The following SRGAP3 variants were observed in gnomAD, a reference collection of about 807,000 sequenced individuals.
SRGAP3 encodes the protein SLIT-ROBO Rho GTPase activating protein 3, also known as SLIT-ROBO Rho GTPase-activating protein 3.
SRGAP3 carries 39 observed loss-of-function variants against 121.1 expected under a neutral mutation model. The observed-to-expected ratio is 0.32, with a 90% CI of 0.25 to 0.42. The LOEUF (loss-of-function observed/expected upper bound fraction) is 0.42, where lower values mean the gene tolerates loss of function less well. Among genes scored for constraint, SRGAP3 ranks in the 10% least tolerant of loss-of-function variants. The probability of loss-of-function intolerance (pLI) is 1.00; values close to 1 mark genes in which losing one functional copy is unlikely to be tolerated. For missense variants in SRGAP3, 1,213 were observed against 1,470.6 expected (o/e 0.82, Z 2.86); for synonymous variants, 601 against 570.0 (o/e 1.05, Z -0.77).
chr3:9,218,570 A>G lies in SRGAP3; in HGVS notation c.67+30315T>C, dbSNP rs1011064835. On this transcript the variant is annotated intron_variant, in intron 1 of 21. Transcript: ENST00000383836. This position sits in a 1 kb window ranked among gnomAD's most constrained non-coding sequence, Gnocchi z 5.3. The stretch of plus-strand genomic sequence containing the variant: ...GCACATCAGGTAGAAACTATTTCCC[A>G]CCGCTGATTTAGGAGTACATAAAAG... The G allele has an allele frequency of 1.3e-5, 2 of 152,142 alleles. No individual in the cohort carries two copies. The highest frequency in any genetic ancestry group is 2.9e-5 in the Non-Finnish European group (2 of 68,014). 9.4% of individuals were successfully genotyped at this position (152,142 alleles called of 1,614,324 possible). A position where few individuals can be genotyped will look rare whatever the true frequency, so the allele number is the denominator to read the frequency against.
rs568514545 is a variant in SRGAP3, at chr3:9,019,156, A to T, written c.1679-3425T>A. ...TTCTTTCCACTATTTTGTTATTATA[A>T]ATATTGCCACAGTGAATAGTCTTGT... On this transcript the variant is annotated intron_variant, in intron 14 of 21. Coordinates refer to ENST00000383836, the MANE Select transcript of SRGAP3 (RefSeq NM_014850.4). Among the ~76,000 whole-genome samples the T allele has an allele frequency of 2.6e-5, 4 of 152,332 alleles. No homozygotes were observed. In the East Asian group the frequency reaches 7.7e-4, roughly 29 times the overall value.
At chr3:9,073,164 G>A (rs1213110794) in intron 4 of SRGAP3, among the ~76,000 whole-genome samples, 1 of 152,116 alleles carries the variant, frequency 6.6e-6, no homozygotes, top group Admixed American at 6.5e-5. Context: ...TTCTTTTTAA[G>A]ACGGGGTCTT....
At chr3:9,330,911 T>C (rs1219370940) in intron 1 of SRGAP3, among the ~76,000 whole-genome samples, 1 of 152,316 alleles carries the variant, frequency 6.6e-6, no homozygotes, top group East Asian at 1.9e-4. Flanking sequence ...TACAGACGCA[T>C]ACTACTAAGT....
At chr3:9,197,055 C>G (rs181160502) in intron 1 of SRGAP3, among the ~76,000 whole-genome samples, 2 of 152,192 alleles carry the variant, frequency 1.3e-5, no homozygotes, top group African/African-American at 4.8e-5. Context: ...TTTTCACTCA[C>G]GACAAGAAAA....
In SRGAP3 at chr3:9,047,460, C is replaced by T; in HGVS notation, c.1339G>A (p.Val447Met). The T allele has an allele frequency of 6.2e-7, 1 of 1,614,206 alleles. No homozygotes were observed. Among genetic ancestry groups the T allele is most frequent in the Non-Finnish European group, 8.5e-7 (1 of 1,180,038 alleles). The change falls in exon 10 of 22, where the codon GTG becomes ATG. Residue 447 changes from valine (V) to methionine (M), a missense_variant. By Grantham distance (21) the Val-to-Met change is conservative. Around this residue, in one of 2 missense-constraint regions of SRGAP3, gnomAD observed 793 missense variants for 1,032.9 expected, o/e 0.77. Coordinates refer to ENST00000383836, the MANE Select transcript of SRGAP3 (RefSeq NM_014850.4). The part of the protein sequence containing the change: ...MFYFTKFKEY[V>M]NGSNLITKLQ... Reference sequence around the variant, plus strand: ...TTGGTGATGAGGTTACTGCCATTCACATACTCTTTAAATTTCTGTAAGACA... The same window carrying T: ...TTGGTGATGAGGTTACTGCCATTCATATACTCTTTAAATTTCTGTAAGACA...
intron 3 of SRGAP3, among the ~76,000 whole-genome samples, chr3:9,294,167 T>A (rs1954913127): frequency 6.6e-6 from 1 of 152,146 alleles, no homozygotes; most frequent in African/African-American, 2.4e-5. Context: ...ATGAGATCCA[T>A]ACACACCATA....
intron 1 of SRGAP3, among the ~76,000 whole-genome samples, chr3:9,183,312 C>G (rs1951487055): frequency 1.3e-5 from 2 of 152,206 alleles, no homozygotes; most frequent in Admixed American, 1.3e-4. Context: ...CTTACTGAGT[C>G]TCACATCCCT....
chr3:9,069,452 C>T (rs759097232), intron 4 of SRGAP3, among the ~76,000 whole-genome samples: 5 of 152,176 alleles, frequency 3.3e-5, no homozygotes, highest in Non-Finnish European at 4.4e-5. Context: ...CTCAGAGGTA[C>T]CCATCCACTT....
chr3:9,145,173 G>A (rs1949983501), intron 1 of SRGAP3, among the ~76,000 whole-genome samples: 1 of 152,064 alleles, frequency 6.6e-6, no homozygotes, highest in Non-Finnish European at 1.5e-5. Context: ...TTGGCTCACT[G>A]CAACCTCCAC....
chr3:9,335,751 C>T (rs1046692062), intron 1 of SRGAP3, among the ~76,000 whole-genome samples: 2 of 152,200 alleles, frequency 1.3e-5, no homozygotes, highest in Non-Finnish European at 2.9e-5. Flanking sequence ...TAGCTATGCA[C>T]TGAAATCACC....
chr3:9,204,881 G>T (rs1952208189), intron 1 of SRGAP3, among the ~76,000 whole-genome samples: 1 of 152,250 alleles, frequency 6.6e-6, no homozygotes, highest in African/African-American at 2.4e-5. Context: ...ACCGCCCTTT[G>T]TGGAGGCAGC....
chr3:9,128,530 G>A (rs548126204), intron 1 of SRGAP3, among the ~76,000 whole-genome samples: 15 of 152,186 alleles, frequency 9.9e-5, no homozygotes, highest in Non-Finnish European at 1.8e-4. Flanking sequence ...AGGTAACTTT[G>A]ATGGATGATT....
intron 1 of SRGAP3, among the ~76,000 whole-genome samples, chr3:9,241,418 A>G (rs1953631748): frequency 6.6e-6 from 1 of 152,188 alleles, no homozygotes; most frequent in Non-Finnish European, 1.5e-5. Flanking sequence ...AGATCCATTA[A>G]TTTCCCCAGA....
At chr3:9,139,633 T>C (rs920132586) in intron 1 of SRGAP3, among the ~76,000 whole-genome samples, 3 of 152,182 alleles carry the variant, frequency 2.0e-5, no homozygotes, top group Non-Finnish European at 4.4e-5. Flanking sequence ...CTTCCAGAAC[T>C]GTGAGAGAAT....
At chr3:9,099,372 G>A (rs1948118236) in intron 3 of SRGAP3, among the ~76,000 whole-genome samples, 1 of 152,180 alleles carries the variant, frequency 6.6e-6, no homozygotes, top group South Asian at 2.1e-4. Context: ...AAATTCCACA[G>A]GCATCAGAGC....
At chr3:9,092,807 G>A (rs1947810672) in intron 3 of SRGAP3, among the ~76,000 whole-genome samples, 1 of 152,150 alleles carries the variant, frequency 6.6e-6, no homozygotes, top group Non-Finnish European at 1.5e-5. Flanking sequence ...CCTGTCATCT[G>A]TTACTCAATC....
chr3:9,009,606 C>T lies in SRGAP3; in HGVS notation c.2227+702G>A, dbSNP rs193234606. Among the ~76,000 whole-genome samples, 595 of 152,242 alleles carry T rather than the reference C, an allele frequency of 3.9e-3. 12 individuals are homozygous for T. Among genetic ancestry groups the T allele is most frequent in the Non-Finnish European group, 2.9e-3 (196 of 68,014 alleles). On this transcript the variant is annotated intron_variant, in intron 18 of 21. Transcript: ENST00000383836. Reference sequence around the variant, plus strand: ...TTGGCACTATGCCTACTCTGCCTGACGGATAAGTTGGCATATGGTTCAGAT... The same window carrying T: ...TTGGCACTATGCCTACTCTGCCTGATGGATAAGTTGGCATATGGTTCAGAT...
chr3:9,012,751 T>C (rs550498391), intron 17 of SRGAP3, among the ~76,000 whole-genome samples: 1 of 152,262 alleles, frequency 6.6e-6, no homozygotes, highest in South Asian at 2.1e-4. Flanking sequence ...AGTTAAAGCA[T>C]TGCATCTCCT....
At chr3:9,200,697 G>C (rs971296087) in intron 1 of SRGAP3, among the ~76,000 whole-genome samples, 2 of 152,174 alleles carry the variant, frequency 1.3e-5, no homozygotes, top group Non-Finnish European at 2.9e-5. Context: ...ATCCCAAAAA[G>C]ACAGGGTTCC....
Sources: gnomAD v4.1 joint callset for allele counts (sites outside exome capture counted in the v4.1 genomes callset) on GRCh38, gnomAD v4.1.1 for gene constraint, gnomAD v4.1.1 regional missense constraint, Gnocchi (gnomAD v3.1) non-coding constraint, MANE v1.5 for transcripts, NCBI Gene and HGNC (gene_info 2026-07-23, HGNC 2026-07-21) for gene names.